NUP133: variants seen among roughly 807,000 people sequenced by gnomAD.
NUP133 encodes the protein nuclear pore complex protein Nup133.
A neutral mutation model predicts 146.2 loss-of-function variants in NUP133; 66 were observed. The ratio of observed to expected loss-of-function variants is 0.45; its 90% confidence interval spans 0.37 to 0.55. The LOEUF is 0.55. NUP133 is among the 20% of genes least tolerant of loss of function. NUP133 has a pLI of 0.00. For missense variants in NUP133, 1,277 were observed against 1,374.8 expected, an observed-to-expected ratio of 0.93 and a Z score of 1.12; for synonymous variants, 521 against 498.8, an observed-to-expected ratio of 1.04 and a Z score of -0.59.
chr1:229,445,383 A>T (rs1254870135), intron 24 of NUP133, among the ~76,000 whole-genome samples: 1 of 152,208 alleles, frequency 6.6e-6, no homozygotes, highest in Non-Finnish European at 1.5e-5. Context: ...ACCCCAAAGT[A>T]TGACTCACTG....
intron 21 of NUP133, among the ~76,000 whole-genome samples, chr1:229,456,250 T>C (rs1409456683): frequency 2.0e-5 from 3 of 152,216 alleles, no homozygotes; most frequent in East Asian, 3.8e-4. Flanking sequence ...ACCACGGGAA[T>C]ATCCTGTTCC....
In NUP133 at chr1:229,474,918, C is replaced by T. The variant is rs112787235; in HGVS notation, c.1851+720G>A. 6.1e-3 allele frequency among the ~76,000 whole-genome samples: 922 copies of T among 151,864 alleles called. 9 individuals carry two copies. The highest frequency in any genetic ancestry group is 0.02 in the African/African-American group (814 of 41,398). ...AGGAGTTCGAGACCAGCCTGGGCAA[C>T]GTAGTAAGATTCTGTCTCTACAAAA... On this transcript the variant is annotated intron_variant, in intron 14 of 25. Coordinates refer to ENST00000261396, the MANE Select transcript of NUP133 (RefSeq NM_018230.3).
intron 2 of NUP133, among the ~76,000 whole-genome samples, chr1:229,505,028 T>C (rs1189016461): frequency 6.6e-6 from 1 of 152,212 alleles, no homozygotes; most frequent in African/African-American, 2.4e-5. Context: ...CATGATAAGA[T>C]TTATACACAG....
chr1:229,502,589 A>G (rs1383741464), intron 2 of NUP133, among the ~76,000 whole-genome samples: 1 of 151,620 alleles, frequency 6.6e-6, no homozygotes, highest in African/African-American at 2.4e-5. Context: ...AAGAAAGAAA[A>G]AAGAAATATA....
chr1:229,485,401 C>A (rs977983309), intron 11 of NUP133, among the ~76,000 whole-genome samples: 1 of 152,096 alleles, frequency 6.6e-6, no homozygotes, highest in African/African-American at 2.4e-5. Context: ...TTGAGGGGCA[C>A]TCTACAGAAC....
Position 229,482,686 on chromosome 1 carries a change from CA to C in NUP133, c.1592+1367del, listed in dbSNP as rs1237456999. Among the ~76,000 whole-genome samples the C allele has an allele frequency of 1.7e-4, 26 of 152,182 alleles. 1 individual carries two copies. Among genetic ancestry groups the C allele is most frequent in the Admixed American group, 4.6e-4 (7 of 15,280 alleles). ...TGACCAAGTGAGGACAATCACTCCC[CA>C]CCCCATACGCGCATCTGCTTAGGCA... On this transcript the variant is annotated intron_variant, in intron 12 of 25. Transcript: ENST00000261396.
At chr1:229,446,252 C>G (rs529176821) in intron 24 of NUP133, among the ~76,000 whole-genome samples, 1 of 151,912 alleles carries the variant, frequency 6.6e-6, no homozygotes, top group African/African-American at 2.4e-5. Flanking sequence ...ACTAAAAATA[C>G]AAAAAAATTA....
intron 9 of NUP133, 152 bp from the exon 10 acceptor site, chr1:229,487,765 A>C (rs1379073756): frequency 6.7e-6 from 4 of 595,938 alleles, no homozygotes; most frequent in Non-Finnish European, 1.1e-5. Context: ...TGATTAACAA[A>C]ACATGACAGA....
intron 25 of NUP133, among the ~76,000 whole-genome samples, chr1:229,442,618 T>A (rs1337586132): frequency 2.0e-5 from 3 of 151,654 alleles, no homozygotes; most frequent in African/African-American, 7.3e-5. Flanking sequence ...AATAAGCCAA[T>A]AATATTTTTA....
In NUP133 at chr1:229,465,523, GAA is replaced by G; in HGVS notation, c.2200-6_2200-5del. 1 of 1,606,192 alleles carries G rather than the reference GAA, an allele frequency of 6.2e-7. No individual in the cohort carries two copies. The highest frequency in any genetic ancestry group is 1.1e-5 in the South Asian group (1 of 90,796). ...GACTAGCAGCCTGCAGCATATCCTG[GAA>G]AAAAAGTTAATGTGTTATCACATGC... On this transcript the variant is annotated splice_polypyrimidine_tract_variant and splice_region_variant and intron_variant, in intron 16 of 25. Transcript: ENST00000261396.
intron 24 of NUP133, among the ~76,000 whole-genome samples, chr1:229,447,130 A>G (rs1266585010): frequency 6.6e-6 from 1 of 152,202 alleles, no homozygotes; most frequent in Non-Finnish European, 1.5e-5. Context: ...ATCACAAAAA[A>G]AGAAAGAAAA....
chr1:229,503,484 A>G (rs1296560712), intron 2 of NUP133, among the ~76,000 whole-genome samples: 1 of 152,236 alleles, frequency 6.6e-6, no homozygotes, highest in East Asian at 1.9e-4. Flanking sequence ...TACGTTCTCT[A>G]TTAAGTGACA....
intron 8 of NUP133, 60 bp from the exon 9 acceptor site, chr1:229,490,162 T>C: frequency 7.2e-7 from 1 of 1,388,626 alleles, no homozygotes; most frequent in South Asian, 1.8e-5. Flanking sequence ...GAGTTTCCTA[T>C]AAAATTAAAC....
At chr1:229,467,395 A>G (rs555422243) in intron 15 of NUP133, among the ~76,000 whole-genome samples, 1 of 152,326 alleles carries the variant, frequency 6.6e-6, no homozygotes, top group East Asian at 1.9e-4. Context: ...AGATAAGAGG[A>G]AAGAAAAATC....
intron 25 of NUP133, among the ~76,000 whole-genome samples, chr1:229,443,411 A>G (rs1007368887): frequency 2.0e-5 from 3 of 152,188 alleles, no homozygotes; most frequent in African/African-American, 7.2e-5. Context: ...TTTAAACTCC[A>G]TTTAATGAGA....
rs774171935 is a variant in NUP133, at chr1:229,466,653, T to C, written c.2180A>G (p.Asn727Ser). ...TTGTACCTTGAGAATATTGTTCACA[T>C]TGATCACCACTTCAGCCCATTCAAT... is the stretch of plus-strand genomic sequence containing the variant. ...DSIEWAEVVI[N>S]VNNILKDMLQ... is the part of the protein sequence containing the mutation. Residue 727 changes from asparagine (N) to serine (S), a missense_variant, in exon 16 of 26, where the codon AAT becomes AGT. By Grantham distance (46) the Asn-to-Ser change is conservative. Around this residue, in one of 3 missense-constraint regions of NUP133, gnomAD observed 952 missense variants for 1,047.0 expected, o/e 0.91. Transcript: ENST00000261396. 2.5e-6 allele frequency: 4 copies of C among 1,613,988 alleles called. No individual in the cohort carries two copies. Among genetic ancestry groups the C allele is most frequent in the Admixed American group, 3.3e-5 (2 of 60,010 alleles).
At chr1:229,448,541 A>G (rs532596628) in intron 24 of NUP133, among the ~76,000 whole-genome samples, 81 of 152,338 alleles carry the variant, frequency 5.3e-4, no homozygotes, top group African/African-American at 1.8e-3. Context: ...TTTAGCACAT[A>G]ATCAACAAAT....
At chr1:229,453,983 G>T (rs2102750610) in intron 21 of NUP133, among the ~76,000 whole-genome samples, 1 of 152,138 alleles carries the variant, frequency 6.6e-6, no homozygotes, top group South Asian at 2.1e-4. Flanking sequence ...GTGTTTTCAT[G>T]TTGTTGAAAA....
At chr1:229,465,595 C>T in intron 16 of NUP133, 76 bp from the exon 17 acceptor site, 1 of 1,118,408 alleles carries the variant, frequency 8.9e-7, no homozygotes. Context: ...TTTAAGACAG[C>T]AAAGTAAATT....
Sources: allele counts gnomAD v4.1 joint callset (sites outside exome capture counted in the v4.1 genomes callset), GRCh38; gene constraint gnomAD v4.1.1; regional missense constraint gnomAD v4.1.1; transcripts MANE v1.5; gene names NCBI Gene and HGNC (gene_info 2026-07-23, HGNC 2026-07-21).